ADAMTS17: variants seen among roughly 807,000 people sequenced by gnomAD.
ADAMTS17 encodes the protein ADAM metallopeptidase with thrombospondin type 1 motif 17.
A neutral mutation model predicts 141.5 loss-of-function variants in ADAMTS17; 113 were observed. The ratio of observed to expected loss-of-function variants is 0.80; its 90% confidence interval spans 0.69 to 0.93. ADAMTS17 has a LOEUF of 0.93. Ranked by LOEUF, ADAMTS17 falls within the 40% of genes least tolerant of loss-of-function variation. ADAMTS17 has a pLI of 0.00. For synonymous variants in ADAMTS17, 768 were observed against 630.6 expected (o/e 1.22, Z -3.27); for missense variants, 1,659 against 1,517.9 (o/e 1.09, Z -1.54).
rs2727195 is a variant in ADAMTS17 at position 99,972,912 on chromosome 15, G to A, written c.*1490C>T. The A allele has an allele frequency of 0.61, 92,673 of 152,122 alleles. 28,563 individuals carry two copies. Among genetic ancestry groups the A allele is most frequent in the Non-Finnish European group, 0.64 (43,599 of 68,012 alleles). The allele number at this position is 152,122 out of a possible 1,614,324, so 9.4% of individuals were successfully genotyped here. ...AAACACAGCACCAATAAATCAAGAA[G>A]CACAGGGAGATGATCCCATGGAAGT... On this transcript the variant is annotated 3_prime_UTR_variant, in exon 22 of 22. Coordinates refer to ENST00000268070, the MANE Select transcript of ADAMTS17 (RefSeq NM_139057.4).
chr15:100,043,084 T>C (rs911750726), intron 18 of ADAMTS17, among the ~76,000 whole-genome samples: 1 of 152,202 alleles, frequency 6.6e-6, no homozygotes, highest in Non-Finnish European at 1.5e-5. Flanking sequence ...AGCCAAACAA[T>C]AAATCCTCTT....
intron 10 of ADAMTS17, among the ~76,000 whole-genome samples, chr15:100,134,696 GAA>G (rs1001430212): frequency 2.0e-4 from 30 of 152,354 alleles, no homozygotes; most frequent in African/African-American, 7.0e-4. Context: ...AAAAATAAGA[GAA>G]AGGGAAGGAA....
Position 99,997,875 on chromosome 15 carries a change from GTA to G in ADAMTS17, c.2592-288_2592-287del, listed in dbSNP as rs1269195999. On this transcript the variant is annotated intron_variant, in intron 18 of 21. Coordinates refer to ENST00000268070, the MANE Select transcript of ADAMTS17 (RefSeq NM_139057.4). This position sits in a 1 kb window ranked among gnomAD's most constrained non-coding sequence, Gnocchi z 4.7. ...TCACGGCCTCCCTGTAGGGAATTAC[GTA>G]TCTGCTTGTCGTCATAGGACCTGCT... Among the ~76,000 whole-genome samples, 1 of 151,984 alleles carries G rather than the reference GTA, an allele frequency of 6.6e-6. No homozygotes were observed. Among genetic ancestry groups the G allele is most frequent in the Non-Finnish European group, 1.5e-5 (1 of 67,964 alleles).
At chr15:100,102,474 A>T (rs4246300) in intron 14 of ADAMTS17, among the ~76,000 whole-genome samples, 10 of 17,998 alleles carry the variant, frequency 5.6e-4, no homozygotes, top group African/African-American at 2.3e-3. Context: ...TTTGAGGGCC[A>T]ACTGAAGGGG....
intron 2 of ADAMTS17, among the ~76,000 whole-genome samples, chr15:100,340,822 G>A (rs1049639539): frequency 1.3e-5 from 2 of 152,198 alleles, no homozygotes; most frequent in African/African-American, 4.8e-5. Context: ...GGCTGCAGAG[G>A]CGCTGGACTG....
At chr15:100,246,333 T>C (rs540365062) in intron 7 of ADAMTS17, among the ~76,000 whole-genome samples, 1 of 152,166 alleles carries the variant, frequency 6.6e-6, no homozygotes, top group Non-Finnish European at 1.5e-5. Flanking sequence ...TTTAATACTA[T>C]GATGAAAATG....
chr15:100,081,045 G>A (rs1010781790), intron 15 of ADAMTS17, among the ~76,000 whole-genome samples: 2 of 152,164 alleles, frequency 1.3e-5, no homozygotes, highest in Admixed American at 6.5e-5. Flanking sequence ...TGTCTGTGAG[G>A]GTGTTGCCAA....
chr15:100,051,992 G>C (rs1439521218), intron 16 of ADAMTS17, among the ~76,000 whole-genome samples: 1 of 152,208 alleles, frequency 6.6e-6, no homozygotes, highest in Non-Finnish European at 1.5e-5. Flanking sequence ...GACCAGCTTA[G>C]ACTAGGAGCT....
intron 12 of ADAMTS17, among the ~76,000 whole-genome samples, chr15:100,124,962 G>A (rs574544545): frequency 7.2e-5 from 11 of 152,312 alleles, no homozygotes; most frequent in Non-Finnish European, 1.3e-4. Context: ...GAGAGTGGAT[G>A]GACAGGTAGA....
chr15:100,059,703 G>A (rs528029679), intron 15 of ADAMTS17, among the ~76,000 whole-genome samples: 1 of 152,298 alleles, frequency 6.6e-6, no homozygotes, highest in African/African-American at 2.4e-5. Context: ...AATCCAGAGA[G>A]ACAATGCAGG....
intron 8 of ADAMTS17, chr15:100,168,533 C>T (rs2040037382): frequency 6.6e-6 from 1 of 152,236 alleles, no homozygotes; most frequent in Non-Finnish European, 1.5e-5. Flanking sequence ...GGAAAGATGG[C>T]TAAAAGCTCC....
At chr15:100,134,207 C>G (rs1357059865) in intron 10 of ADAMTS17, among the ~76,000 whole-genome samples, 1 of 152,206 alleles carries the variant, frequency 6.6e-6, no homozygotes, top group African/African-American at 2.4e-5. Context: ...CCACACGCCT[C>G]TCAGAGGGTC....
intron 15 of ADAMTS17, among the ~76,000 whole-genome samples, chr15:100,079,056 G>GT (rs2034564887): frequency 6.6e-6 from 1 of 152,180 alleles, no homozygotes; most frequent in Non-Finnish European, 1.5e-5. Flanking sequence ...ACAAAAAACA[G>GT]TAAGTTGGAG....
At chr15:100,074,350 T>G (rs542788482) in intron 15 of ADAMTS17, among the ~76,000 whole-genome samples, 1 of 152,076 alleles carries the variant, frequency 6.6e-6, no homozygotes, top group Admixed American at 6.6e-5. Context: ...GAGTGTATAA[T>G]AACATCTCAT....
chr15:100,077,254 G>C (rs2034438458), intron 15 of ADAMTS17, among the ~76,000 whole-genome samples: 1 of 115,866 alleles, frequency 8.6e-6, no homozygotes. Flanking sequence ...AACCAGCCTG[G>C]CCAACATGGT....
rs72633236 is a variant in ADAMTS17, at chr15:100,272,807, G to A, written c.789+8422C>T. ...GAAAAAGCTTTCAGTCTTTCACCAC[G>A]GAGTGTATTATTAGCTGTGAGTTTT... is the stretch of plus-strand genomic sequence containing the variant. On this transcript the variant is annotated intron_variant, in intron 4 of 21. Coordinates refer to ENST00000268070, the MANE Select transcript of ADAMTS17 (RefSeq NM_139057.4). Among the ~76,000 whole-genome samples, 484 of 150,916 alleles carry A rather than the reference G, an allele frequency of 3.2e-3. 1 individual carries two copies. The highest frequency in any genetic ancestry group is 0.011 in the African/African-American group (447 of 41,064).
chr15:100,199,314 T>C lies in ADAMTS17; in HGVS notation c.1181+4A>G, dbSNP rs1326755993. ...AACAGGACGACACAGAGTCTGATAC[T>C]TACTTGTGGCCCAGCTCATGGGCGA... On this transcript the variant is annotated splice_donor_region_variant and intron_variant, in intron 8 of 21. Coordinates refer to ENST00000268070, the MANE Select transcript of ADAMTS17 (RefSeq NM_139057.4). 11 of 1,613,546 alleles carry C rather than the reference T, an allele frequency of 6.8e-6. No homozygotes were observed. The highest frequency in any genetic ancestry group is 9.3e-6 in the Non-Finnish European group (11 of 1,179,398).
chr15:100,288,988 G>T (rs569173127), intron 3 of ADAMTS17, among the ~76,000 whole-genome samples: 29 of 152,028 alleles, frequency 1.9e-4, no homozygotes, highest in African/African-American at 6.0e-4. Flanking sequence ...CAGAAGACAA[G>T]AAATAACCAA....
At chr15:100,336,205 C>G (rs561981917) in intron 2 of ADAMTS17, among the ~76,000 whole-genome samples, 10 of 152,354 alleles carry the variant, frequency 6.6e-5, no homozygotes, top group African/African-American at 2.4e-4. Context: ...CAGGAGCAGT[C>G]AGTGCCTGGC....
Sources: allele counts gnomAD v4.1 joint callset (sites outside exome capture counted in the v4.1 genomes callset), GRCh38; gene constraint gnomAD v4.1.1; non-coding constraint Gnocchi (gnomAD v3.1); transcripts MANE v1.5; gene names NCBI Gene and HGNC (gene_info 2026-07-23, HGNC 2026-07-21).